The following DMD variants were observed in gnomAD, a reference collection of about 807,000 sequenced individuals.
DMD encodes the protein mutant dystrophin.
Under a neutral mutation model 330.1 loss-of-function variants are expected in DMD, and 63 were observed. The observed-to-expected ratio is 0.19, with a 90% CI of 0.16 to 0.24. The LOEUF is 0.24. Among genes scored for constraint, DMD ranks in the 10% least tolerant of loss-of-function variants. The pLI is 1.00. For missense variants in DMD, 3,344 were observed against 2,684.1 expected (o/e 1.25, Z -5.43); for synonymous variants, 1,223 against 959.8 (o/e 1.27, Z -5.07).
chrX:31,125,744 A>C (rs2033558312), intron 78 of DMD, among the ~76,000 whole-genome samples: 1 of 112,198 alleles, frequency 8.9e-6, no homozygotes, highest in Non-Finnish European at 1.9e-5. Context: ...AAAACCTGAA[A>C]CCACATTCAG....
At chrX:31,969,509 C>T (rs1422921406) in intron 44 of DMD, among the ~76,000 whole-genome samples, 2 of 110,675 alleles carry the variant, frequency 1.8e-5, no homozygotes, top group Non-Finnish European at 3.8e-5. Context: ...ATGTAGAAAA[C>T]TCTCCTAATA....
chrX:31,122,901 C>T (rs1008082984), intron 78 of DMD, among the ~76,000 whole-genome samples: 4 of 111,711 alleles, frequency 3.6e-5, no homozygotes, highest in Non-Finnish European at 7.5e-5. Flanking sequence ...CTTGCCTTTT[C>T]GTCTATGTCC....
rs1300066468 is a variant in DMD at position 32,365,100 on chromosome X, C to A, written c.4945G>T (p.Val1649Leu). The A allele has an allele frequency of 8.3e-7, 1 of 1,210,881 alleles. No homozygotes were observed. The highest frequency in any genetic ancestry group is 2.2e-5 in the Admixed American group (1 of 45,897). Reference sequence around the variant, plus strand: ...TTCAGAAGACTGAGTTTATCTTCCACCAACGTCTCCTTCTTGCCCAAAACT... The same window carrying A: ...TTCAGAAGACTGAGTTTATCTTCCAACAACGTCTCCTTCTTGCCCAAAACT... ...KTVLGKKETL[V>L]EDKLSLLNSN... The change falls in exon 35 of 79, where the codon GTG becomes TTG. Residue 1649 changes from valine to leucine, a missense_variant. Val to Leu is a conservative substitution (Grantham distance 32). Transcript: ENST00000357033.
intron 25 of DMD, among the ~76,000 whole-genome samples, chrX:32,456,592 GTGTGTGTGTGTGTGTGTGTGTGTGTA>G (rs1476749412): frequency 9.9e-6 from 1 of 101,516 alleles, no homozygotes; most frequent in Non-Finnish European, 2.0e-5. Flanking sequence ...GTGTGTGTGT[GTGTGTGTGTGTGTGTGTGTGTGTGTA>G]TGTGTGTGTG....
chrX:31,174,009 T>G (rs1027201116), intron 71 of DMD, among the ~76,000 whole-genome samples: 1 of 111,418 alleles, frequency 9.0e-6, no homozygotes, highest in Non-Finnish European at 1.9e-5. Flanking sequence ...GGCTATCTTC[T>G]TATTGGATCA....
chrX:32,999,808 A>ACC (rs2093231142), intron 2 of DMD, among the ~76,000 whole-genome samples: 2 of 108,735 alleles, frequency 1.8e-5, no homozygotes, highest in African/African-American at 6.6e-5. Flanking sequence ...ACAAAAAACA[A>ACC]AAAAAAAACC....
chrX:31,189,113 A>C (rs949855224), intron 67 of DMD, among the ~76,000 whole-genome samples: 1 of 111,700 alleles, frequency 9.0e-6, no homozygotes, highest in African/African-American at 3.3e-5. Context: ...CTCTCAAGGT[A>C]ATAAAATCAA....
intron 7 of DMD, among the ~76,000 whole-genome samples, chrX:32,747,497 T>C (rs1245471188): frequency 3.6e-5 from 4 of 111,410 alleles, no homozygotes; most frequent in Non-Finnish European, 1.9e-5. Context: ...CTTACTGTAT[T>C]TGAAACAAGA....
chrX:32,781,105 G>A (rs960660034), intron 7 of DMD, among the ~76,000 whole-genome samples: 2 of 98,442 alleles, frequency 2.0e-5, no homozygotes, highest in Middle Eastern at 5.0e-3. Context: ...GCGACGGAGC[G>A]AGCCTCTGTC....
At chrX:31,268,743 A>G (rs896205097) in intron 62 of DMD, among the ~76,000 whole-genome samples, 1 of 112,529 alleles carries the variant, frequency 8.9e-6, no homozygotes, top group African/African-American at 3.2e-5. Flanking sequence ...CAACGAAAAG[A>G]CAGAAGCCTC....
intron 2 of DMD, among the ~76,000 whole-genome samples, chrX:32,924,345 T>C (rs1179499077): frequency 9.1e-6 from 1 of 110,358 alleles, no homozygotes; most frequent in Non-Finnish European, 1.9e-5. Context: ...TTGGGAAACA[T>C]AGCAAGACCC....
intron 44 of DMD, among the ~76,000 whole-genome samples, chrX:32,092,693 T>G (rs1290773626): frequency 1.9e-5 from 2 of 105,625 alleles, no homozygotes; most frequent in African/African-American, 6.9e-5. Flanking sequence ...GGTTTTATAC[T>G]TCCTCAAAAA....
At chrX:31,867,767 T>C (rs185768166) in intron 48 of DMD, among the ~76,000 whole-genome samples, 323 of 111,036 alleles carry the variant, frequency 2.9e-3, no homozygotes, top group Middle Eastern at 9.2e-3. Context: ...GTGCTCTAGG[T>C]GTCCATGACA....
intron 44 of DMD, among the ~76,000 whole-genome samples, chrX:32,083,548 T>G (rs1203877932): frequency 9.0e-6 from 1 of 111,539 alleles, no homozygotes; most frequent in African/African-American, 3.3e-5. Context: ...TGAGCCACCA[T>G]GCCTGGCCCT....
At chrX:33,300,242 G>T (rs757681148) in intron 1 of DMD, among the ~76,000 whole-genome samples, 4 of 112,216 alleles carry the variant, frequency 3.6e-5, no homozygotes, top group Non-Finnish European at 7.5e-5. Flanking sequence ...GCAAATATTA[G>T]CTTTGATCAA....
chrX:32,353,196 A>C (rs1186231945), intron 37 of DMD, among the ~76,000 whole-genome samples: 1 of 111,333 alleles, frequency 9.0e-6, no homozygotes, highest in Non-Finnish European at 1.9e-5. Flanking sequence ...AAAAAAATTC[A>C]TTGCTTTTCT....
At chrX:31,157,405 A>G (rs1001846928) in intron 74 of DMD, among the ~76,000 whole-genome samples, 1 of 112,294 alleles carries the variant, frequency 8.9e-6, no homozygotes, top group African/African-American at 3.2e-5. Context: ...AATAAGACAG[A>G]CTAACAAAAC....
At chrX:32,781,107 G>A (rs2074704283) in intron 7 of DMD, among the ~76,000 whole-genome samples, 1 of 97,396 alleles carries the variant, frequency 1.0e-5, no homozygotes, top group Non-Finnish European at 2.0e-5. Flanking sequence ...GACGGAGCGA[G>A]CCTCTGTCTC....
At position 31,124,300 on chromosome X, in the gene DMD, T is replaced by C. The variant is rs1416279257; in HGVS notation, c.11046+2342A>G. Among the ~76,000 whole-genome samples, 4 of 112,109 alleles carry C rather than the reference T, an allele frequency of 3.6e-5. No homozygotes were observed. The Admixed American group carries it at 3.8e-4, about 11-fold the overall frequency. ...CCAGAATAAATAATTCTAATTTCTT[T>C]CCATGGAGTTTTTCATTAGATCCAG... On this transcript the variant is annotated intron_variant, in intron 78 of 78. Transcript: ENST00000357033.
Sources: gnomAD v4.1 joint callset for allele counts (sites outside exome capture counted in the v4.1 genomes callset) on GRCh38, gnomAD v4.1.1 for gene constraint, MANE v1.5 for transcripts, NCBI Gene and HGNC (gene_info 2026-07-23, HGNC 2026-07-21) for gene names.